Variants in ZNF292 observed in about 807,000 individuals in gnomAD.
ZNF292 encodes 16 zinc-finger domain protein.
Under a neutral mutation model 217.9 loss-of-function variants are expected in ZNF292, and 26 were observed. The observed-to-expected ratio is 0.12, with a 90% CI of 0.09 to 0.17. The LOEUF (loss-of-function observed/expected upper bound fraction) is 0.17, where lower values mean the gene tolerates loss of function less well. Among genes scored for constraint, ZNF292 ranks in the 10% least tolerant of loss-of-function variants. ZNF292 has a pLI of 1.00. For missense variants in ZNF292, 2,904 were observed against 3,175.2 expected (o/e 0.91, Z 2.05); for synonymous variants, 1,257 against 1,124.1 (o/e 1.12, Z -2.37).
rs748630509 is a variant in ZNF292 at position 87,257,857 on chromosome 6, C to G, written c.4228C>G (p.Gln1410Glu). 3.1e-6 allele frequency: 5 copies of G among 1,613,738 alleles called. No individual in the cohort carries two copies. Among genetic ancestry groups the G allele is most frequent in the Non-Finnish European group, 2.5e-6 (3 of 1,179,808 alleles). Reference sequence around the variant, plus strand: ...ACCACTGGATGGAGCCGAAATTGCTCAAGAACTTCTACAGAGTAATGGACA... The same window carrying G: ...ACCACTGGATGGAGCCGAAATTGCTGAAGAACTTCTACAGAGTAATGGACA... ...CKPLDGAEIA[Q>E]ELLQSNGQPS... The change falls in exon 8 of 8, where the codon CAA (glutamine) becomes GAA (glutamate). Residue 1410 changes from glutamine (Q) to glutamate (E), a missense_variant. By Grantham distance (29) the Gln-to-Glu change is conservative (BLOSUM62 2). Transcript: ENST00000369577.
intron 1 of ZNF292, among the ~76,000 whole-genome samples, chr6:87,187,673 C>T (rs917554910): frequency 7.2e-6 from 1 of 139,256 alleles, no homozygotes; most frequent in Admixed American, 7.9e-5. Context: ...CAAGATTGCA[C>T]CATTGCACTC....
intron 7 of ZNF292, among the ~76,000 whole-genome samples, chr6:87,251,455 A>C (rs189799201): frequency 5.8e-4 from 88 of 152,296 alleles, no homozygotes; most frequent in African/African-American, 1.9e-3. Context: ...AGGGTACAAA[A>C]GACAAACCTT....
In ZNF292 at chr6:87,216,093, C is replaced by G. The variant is rs772573636; in HGVS notation, c.323+36C>G. On this transcript the variant is annotated intron_variant, in intron 2 of 7. Transcript: ENST00000369577. ...CTTTGAGTAAATAAACTAGATTTAG[C>G]TTTAAAAATACATAGACACACACAC... 8.2e-6 allele frequency: 11 copies of G among 1,347,342 alleles called. 1 individual carries two copies. Among genetic ancestry groups the G allele is most frequent in the Non-Finnish European group, 9.1e-6 (9 of 991,994 alleles). 83.5% of individuals were successfully genotyped at this position (1,347,342 alleles called of 1,614,324 possible).
chr6:87,178,240 C>G (rs1390144391), intron 1 of ZNF292, among the ~76,000 whole-genome samples: 1 of 151,986 alleles, frequency 6.6e-6, no homozygotes, highest in African/African-American at 2.4e-5. Flanking sequence ...CTTCTACCTC[C>G]CAAGCTGGTG....
At chr6:87,237,756 C>G (rs928233990) in intron 5 of ZNF292, among the ~76,000 whole-genome samples, 3 of 152,122 alleles carry the variant, frequency 2.0e-5, no homozygotes, top group Non-Finnish European at 2.9e-5. Flanking sequence ...ACAGATCATT[C>G]TAATTGGTTT....
At chr6:87,196,328 T>G (rs1240715598) in intron 1 of ZNF292, among the ~76,000 whole-genome samples, 3 of 152,236 alleles carry the variant, frequency 2.0e-5, no homozygotes. Context: ...AGTTTCCAAT[T>G]CCACTTTCAG....
At chr6:87,173,241 CTG>C (rs975342376) in intron 1 of ZNF292, 1 of 152,104 alleles carries the variant, frequency 6.6e-6, no homozygotes, top group African/African-American at 2.4e-5. Context: ...CAAGTGTTCC[CTG>C]TTTTGTAAAC....
At position 87,258,147 on chromosome 6, in the gene ZNF292, C is replaced by G; in HGVS notation, c.4518C>G (p.Ala1506=). The G allele has an allele frequency of 3.7e-6, 6 of 1,611,848 alleles. No individual in the cohort carries two copies. The highest frequency in any genetic ancestry group is 4.2e-6 in the Non-Finnish European group (5 of 1,179,096). Reference sequence around the variant, plus strand: ...GCATTCCCAGTACATTTGAGGGTGCCGAAATGCTTTCTCATGTTTCAACAG... The same window carrying G: ...GCATTCCCAGTACATTTGAGGGTGCGGAAATGCTTTCTCATGTTTCAACAG... ...TAGIPSTFEG[A]EMLSHVSTGC... The change falls in exon 8 of 8, where the codon GCC becomes GCG. Residue 1506 remains alanine (A), a synonymous_variant. Transcript: ENST00000369577.
chr6:87,259,266 T>C lies in ZNF292; in HGVS notation c.5637T>C (p.Asp1879=), dbSNP rs540550228. Reference sequence around the variant, plus strand: ...CCACGCCTGTTAAATCAACTGCAGATATCACAGTTATTCAGCCAGTTTCTG... The same window carrying C: ...CCACGCCTGTTAAATCAACTGCAGACATCACAGTTATTCAGCCAGTTTCTG... ...LTPTPVKSTA[D]ITVIQPVSEM... Residue 1879 remains aspartate, a synonymous_variant, in exon 8 of 8, where the codon GAT becomes GAC. Transcript: ENST00000369577. 1.2e-6 allele frequency: 2 copies of C among 1,613,668 alleles called. No individual in the cohort carries two copies. The highest frequency in any genetic ancestry group is 2.2e-5 in the East Asian group (1 of 44,862).
rs778741330 is a variant in ZNF292 at position 87,254,909 on chromosome 6, C to A, written c.1280C>A (p.Ser427Tyr). 1.9e-6 allele frequency: 3 copies of A among 1,613,816 alleles called. No homozygotes were observed. In the South Asian group the frequency reaches 3.3e-5, roughly 18 times the overall value. Residue 427 changes from serine to tyrosine, a missense_variant, in exon 8 of 8, where the codon TCT becomes TAT. Around this residue, in one of 15 missense-constraint regions of ZNF292, gnomAD observed 15 missense variants for 46.8 expected, o/e 0.32. Coordinates refer to ENST00000369577, the MANE Select transcript of ZNF292 (RefSeq NM_015021.3). ...GAAGAGAATCTTCCAATACCAAATTCTTTACGCTGTGAGCTGTTACTTGTA... is the reference window on the plus strand; with the variant it reads ...GAAGAGAATCTTCCAATACCAAATTATTTACGCTGTGAGCTGTTACTTGTA... ...YDEENLPIPN[S>Y]LRCELLLVLK...
intron 3 of ZNF292, among the ~76,000 whole-genome samples, chr6:87,217,061 G>T (rs910184345): frequency 6.6e-6 from 1 of 151,968 alleles, no homozygotes; most frequent in Non-Finnish European, 1.5e-5. Flanking sequence ...TAATTGGTTA[G>T]TTAAAAAGAA....
In ZNF292 at chr6:87,261,877, A is replaced by G; in HGVS notation, c.*76A>G. ...GCCATCAAGCATGCTAGAATTGTGA[A>G]ACTTTCATTATATTTTTTTGTTGTT... On this transcript the variant is annotated 3_prime_UTR_variant, in exon 8 of 8. Transcript: ENST00000369577. The G allele has an allele frequency of 9.6e-7, 1 of 1,044,012 alleles. No homozygotes were observed. Among genetic ancestry groups the G allele is most frequent in the South Asian group, 2.8e-5 (1 of 36,192 alleles). 64.7% of individuals were successfully genotyped at this position (1,044,012 alleles called of 1,614,324 possible). A position where few individuals can be genotyped will look rare whatever the true frequency, so the allele number is the denominator to read the frequency against.
chr6:87,249,251 T>G (rs1028806491), intron 7 of ZNF292: 1 of 184,292 alleles, frequency 5.4e-6, no homozygotes, highest in African/African-American at 2.4e-5. Context: ...CTCAGCCCCC[T>G]AAGTAGCTGG....
intron 1 of ZNF292, among the ~76,000 whole-genome samples, chr6:87,185,363 G>A (rs922400756): frequency 1.3e-5 from 2 of 152,154 alleles, no homozygotes; most frequent in African/African-American, 4.8e-5. Context: ...TCAACATTTA[G>A]GATTGTGTGT....
intron 1 of ZNF292, among the ~76,000 whole-genome samples, chr6:87,191,874 C>G (rs1349388801): frequency 6.6e-6 from 1 of 152,134 alleles, no homozygotes; most frequent in Non-Finnish European, 1.5e-5. Flanking sequence ...GTTGGCCAGG[C>G]TGGTCTCGAC....
At chr6:87,169,874 C>T (rs9362402) in intron 1 of ZNF292, 11,505 of 205,714 alleles carry the variant, frequency 0.056, 437 homozygotes, top group East Asian at 0.12. Flanking sequence ...TCTTGATCTC[C>T]TGGGCTCAAG....
In ZNF292 at chr6:87,224,145, G is replaced by T. The variant is rs138139978; in HGVS notation, c.538+5414G>T. Among the ~76,000 whole-genome samples, 136 of 152,272 alleles carry T rather than the reference G, an allele frequency of 8.9e-4. No homozygotes were observed. In the East Asian group the frequency reaches 0.025, roughly 28 times the overall value. Reference sequence around the variant, plus strand: ...AAAAAACTTTATTAACTACAGTACAGTGCTTTTGTACAGTTCTTTTTTACT... The same window carrying T: ...AAAAAACTTTATTAACTACAGTACATTGCTTTTGTACAGTTCTTTTTTACT... On this transcript the variant is annotated intron_variant, in intron 4 of 7. Transcript: ENST00000369577.
intron 1 of ZNF292, among the ~76,000 whole-genome samples, chr6:87,184,200 C>T (rs1451841159): frequency 6.6e-6 from 1 of 152,200 alleles, no homozygotes; most frequent in Non-Finnish European, 1.5e-5. Context: ...CTAATTGGCA[C>T]AATGTGTGAA....
At chr6:87,235,515 G>GGGTTAGCTTTGAAGTTGAAGACTGTGA (rs1308896720) in intron 5 of ZNF292, among the ~76,000 whole-genome samples, 50 of 151,986 alleles carry the variant, frequency 3.3e-4, no homozygotes, top group Admixed American at 2.6e-4. Context: ...TAGAGTTGTT[G>GGGTTAGCTTTGAAGTTGAAGACTGTGA]GGTTAGCTTT....
Sources: allele counts gnomAD v4.1 joint callset (sites outside exome capture counted in the v4.1 genomes callset), GRCh38; gene constraint gnomAD v4.1.1; regional missense constraint gnomAD v4.1.1; transcripts MANE v1.5; gene names NCBI Gene and HGNC (gene_info 2026-07-23, HGNC 2026-07-21).